SP140: variants seen among roughly 807,000 people sequenced by gnomAD.
SP140 encodes SP140 nuclear body protein.
A neutral mutation model predicts 125.0 loss-of-function variants in SP140; 81 were observed. The ratio of observed to expected loss-of-function variants is 0.65; its 90% CI spans 0.54 to 0.78. The LOEUF (loss-of-function observed/expected upper bound fraction) is 0.78. Among genes scored for constraint, SP140 ranks in the 30% least tolerant of loss-of-function variants. The pLI, the probability that SP140 is intolerant of heterozygous loss-of-function variation, is 0.00. For missense variants in SP140, 858 were observed against 1,037.0 expected (o/e 0.83, Z 2.37); for synonymous variants, 312 against 354.0 (o/e 0.88, Z 1.33).
chr2:230,200,479 TG>T (rs1351324009), upstream of SP140: 1 of 199,096 alleles, frequency 5.0e-6, no homozygotes, highest in African/African-American at 2.4e-5. Flanking sequence ...ATGAGAAATA[TG>T]GAGATTGGAA....
chr2:230,245,326 G>A (rs1176109753), intron 6 of SP140, among the ~76,000 whole-genome samples: 1 of 152,124 alleles, frequency 6.6e-6, no homozygotes, highest in Non-Finnish European at 1.5e-5. Flanking sequence ...GCACCAAATG[G>A]TGTTGCCTAA....
chr2:230,296,217 G>C (rs1453013499), intron 21 of SP140, among the ~76,000 whole-genome samples: 2 of 152,206 alleles, frequency 1.3e-5, no homozygotes, highest in African/African-American at 4.8e-5. Context: ...CTCCAGCCTA[G>C]GTGACTGAGT....
chr2:230,257,147 G>C (rs2051352683), intron 12 of SP140, among the ~76,000 whole-genome samples: 1 of 151,992 alleles, frequency 6.6e-6, no homozygotes, highest in Admixed American at 6.6e-5. Context: ...TGCCCAAAGG[G>C]TTTTTAGGAA....
chr2:230,303,430 C>T (rs2058487779), intron 22 of SP140, among the ~76,000 whole-genome samples: 1 of 152,142 alleles, frequency 6.6e-6, no homozygotes, highest in South Asian at 2.1e-4. Context: ...ATTGCCAATA[C>T]TAGAAAGGCC....
chr2:230,258,759 G>C (rs956975608), intron 12 of SP140, among the ~76,000 whole-genome samples: 1 of 152,194 alleles, frequency 6.6e-6, no homozygotes, highest in Non-Finnish European at 1.5e-5. Context: ...TTTTAAAATA[G>C]ATGATTCTGA....
At chr2:230,289,855 G>A (rs2149475181) in intron 18 of SP140, among the ~76,000 whole-genome samples, 1 of 152,248 alleles carries the variant, frequency 6.6e-6, no homozygotes, top group South Asian at 2.1e-4. Flanking sequence ...CCTTCTCTGT[G>A]AAATCAGGTC....
At chr2:230,193,171 C>T in the SP140 span, among the ~76,000 whole-genome samples, 3 of 152,066 alleles carry the variant, frequency 2.0e-5, no homozygotes, top group Non-Finnish European at 4.4e-5. Flanking sequence ...AGAAAAGCTA[C>T]TCCTGTTTAC....
chr2:230,295,025 A>C (rs1405529566), intron 21 of SP140, among the ~76,000 whole-genome samples: 1 of 152,218 alleles, frequency 6.6e-6, no homozygotes. Context: ...CTTTGGCTCT[A>C]CCAGAGGGAC....
At chr2:230,201,155 G>T (rs533632944), upstream of SP140, among the ~76,000 whole-genome samples, 81 of 152,282 alleles carry the variant, frequency 5.3e-4, 1 homozygote, top group Non-Finnish European at 9.4e-4. Flanking sequence ...CTCAGGGGAG[G>T]AGCAGACCGC....
chr2:230,244,826 G>C (rs2049191772), intron 5 of SP140, among the ~76,000 whole-genome samples, 162 bp from the exon 6 acceptor site: 1 of 152,138 alleles, frequency 6.6e-6, no homozygotes, highest in Admixed American at 6.5e-5. Flanking sequence ...GAGATGATCA[G>C]AAGGAAAACA....
intron 6 of SP140, 52 bp from the exon 7 acceptor site, chr2:230,245,811 A>G: frequency 1.8e-6 from 2 of 1,119,186 alleles, no homozygotes; most frequent in Non-Finnish European, 2.7e-6. Flanking sequence ...GGATCCAGGT[A>G]GGTGTCCAGG....
intron 22 of SP140, 46 bp downstream of exon 22, chr2:230,297,508 T>C (rs758942062): frequency 5.0e-6 from 8 of 1,598,790 alleles, no homozygotes; most frequent in Middle Eastern, 1.7e-4. Context: ...TTCCACTCCT[T>C]TCTCCAGGCA....
chr2:230,194,504 G>C, the SP140 span, among the ~76,000 whole-genome samples: 4 of 152,098 alleles, frequency 2.6e-5, no homozygotes, highest in African/African-American at 9.7e-5. Context: ...GGAAGAGGGA[G>C]AGAATACAGA....
chr2:230,232,495 C>T (rs936881361), intron 1 of SP140, among the ~76,000 whole-genome samples: 3 of 152,166 alleles, frequency 2.0e-5, no homozygotes, highest in Admixed American at 1.3e-4. Context: ...AGGATGGGAG[C>T]GATGACTTCC....
chr2:230,191,439 A>G, the SP140 span, among the ~76,000 whole-genome samples: 1 of 152,218 alleles, frequency 6.6e-6, no homozygotes, highest in Admixed American at 6.5e-5. Flanking sequence ...AATAAAAATG[A>G]TAAGGGGGAA....
chr2:230,301,124 A>G (rs10174828), intron 22 of SP140, among the ~76,000 whole-genome samples: 1,685 of 152,352 alleles, frequency 0.011, 34 homozygotes, highest in African/African-American at 0.038. Context: ...AAAAATGAAC[A>G]AAGCCTCCAC....
intron 1 of SP140, among the ~76,000 whole-genome samples, chr2:230,206,519 A>G (rs1203987769): frequency 6.8e-6 from 1 of 147,350 alleles, no homozygotes; most frequent in African/African-American, 2.5e-5. Context: ...CATAGATCAG[A>G]ATACCTTTAT....
At chr2:230,246,552 A>G (rs1443066474) in intron 7 of SP140, among the ~76,000 whole-genome samples, 1 of 152,232 alleles carries the variant, frequency 6.6e-6, no homozygotes, top group Admixed American at 6.5e-5. Context: ...TGTTGAAATG[A>G]ACTTCACAAA....
rs202002766 is a variant in SP140 at position 230,285,781 on chromosome 2, T to G, written c.1594T>G (p.Ser532Ala). The change falls in exon 17 of 27, where the codon TCC becomes GCC. Residue 532 changes from serine (S) to alanine (A), a missense_variant. By Grantham distance (99) the Ser-to-Ala change is moderately conservative. Around this residue, in one of 4 missense-constraint regions of SP140, gnomAD observed 791 missense variants for 869.5 expected, o/e 0.91. Transcript: ENST00000392045. ...TAGCAAAGCCGACGGCCAGGTGGTC[T>G]CCAGTGAAAAGAAGGCGAACGTGAA... is the stretch of plus-strand genomic sequence containing the variant. ...DNSKADGQVV[S>A]SEKKANVNLK... The G allele has an allele frequency of 2.8e-4, 455 of 1,613,858 alleles. No individual in the cohort carries two copies. Among genetic ancestry groups the G allele is most frequent in the Non-Finnish European group, 3.6e-4 (430 of 1,179,766 alleles).
Sources: gnomAD v4.1 joint callset for allele counts (sites outside exome capture counted in the v4.1 genomes callset) on GRCh38, gnomAD v4.1.1 for gene constraint, gnomAD v4.1.1 regional missense constraint, MANE v1.5 for transcripts, NCBI Gene and HGNC (gene_info 2026-07-23, HGNC 2026-07-21) for gene names.